Variants in WDR48 observed in about 807,000 individuals in gnomAD.
WDR48 encodes the protein WD repeat domain 48.
WDR48 carries 22 observed loss-of-function variants against 94.0 expected under a neutral mutation model. That is an observed-to-expected ratio of 0.23 (90% CI 0.17 to 0.33). The LOEUF (loss-of-function observed/expected upper bound fraction) is 0.33, where lower values mean the gene tolerates loss of function less well. WDR48 is among the 10% of genes least tolerant of loss of function. The pLI is 1.00. For synonymous variants in WDR48, 278 were observed against 280.5 expected (o/e 0.99, Z 0.09); for missense variants, 541 against 813.8 (o/e 0.66, Z 4.08).
At chr3:39,080,478 C>G (rs778259289) in intron 11 of WDR48, among the ~76,000 whole-genome samples, 1 of 152,206 alleles carries the variant, frequency 6.6e-6, no homozygotes, top group Admixed American at 6.5e-5. Context: ...AAAAGTTAGT[C>G]TGCTTTTATC....
chr3:39,088,021 C>G (rs1228837778), intron 14 of WDR48, 107 bp from the exon 15 acceptor site: 1 of 1,019,940 alleles, frequency 9.8e-7, no homozygotes, highest in Non-Finnish European at 1.5e-6. Context: ...ACTTAGAGGA[C>G]ATTTGAATTT....
At chr3:39,079,344 A>G (rs2034402763) in intron 10 of WDR48, among the ~76,000 whole-genome samples, 3 of 152,232 alleles carry the variant, frequency 2.0e-5, no homozygotes, top group African/African-American at 7.2e-5. Context: ...AAGATGGGAA[A>G]CCAAAGTTAA....
intron 2 of WDR48, among the ~76,000 whole-genome samples, chr3:39,063,909 C>A (rs143688948): frequency 5.3e-5 from 8 of 152,178 alleles, no homozygotes; most frequent in Non-Finnish European, 1.0e-4. Context: ...CGTGATCACA[C>A]CACTGCATTC....
At chr3:39,053,983 A>T (rs2032678934) in intron 1 of WDR48, among the ~76,000 whole-genome samples, 2 of 152,170 alleles carry the variant, frequency 1.3e-5, no homozygotes, top group Non-Finnish European at 2.9e-5. Flanking sequence ...ACTGACTTGA[A>T]ATTATTTCCT....
At chr3:39,083,823 T>C (rs2034657134) in intron 11 of WDR48, among the ~76,000 whole-genome samples, 1 of 152,188 alleles carries the variant, frequency 6.6e-6, no homozygotes, top group South Asian at 2.1e-4. Context: ...AACAATGGGA[T>C]GTGGGAAAAT....
At position 39,065,884 on chromosome 3, in the gene WDR48, A is replaced by G. The variant is rs2033573839; in HGVS notation, c.263A>G (p.Lys88Arg). 2 of 1,588,442 alleles carry G rather than the reference A, an allele frequency of 1.3e-6. No individual in the cohort carries two copies. Among genetic ancestry groups the G allele is most frequent in the Non-Finnish European group, 1.7e-6 (2 of 1,170,428 alleles). Reference sequence around the variant, plus strand: ...GACATTGTACTCTGTTGTAATGGGAAAACATGTAAGTATTTCTTTGGATTA... The same window carrying G: ...GACATTGTACTCTGTTGTAATGGGAGAACATGTAAGTATTTCTTTGGATTA... ...VNDIVLCCNG[K>R]TLISASSDTT... Residue 88 changes from lysine (K) to arginine (R), a missense_variant, in exon 3 of 19, where the codon AAA becomes AGA. Coordinates refer to ENST00000302313, the MANE Select transcript of WDR48 (RefSeq NM_020839.4).
Position 39,094,870 on chromosome 3 carries a change from T to C in WDR48, c.*127T>C. Reference sequence around the variant, plus strand: ...AACGGCTGATTGGTATGGACCGAGATTATCTTTCAATTGAAGTGACTAATC... The same window carrying C: ...AACGGCTGATTGGTATGGACCGAGACTATCTTTCAATTGAAGTGACTAATC... On this transcript the variant is annotated 3_prime_UTR_variant, in exon 19 of 19. Transcript: ENST00000302313. 8.2e-7 allele frequency: 1 copy of C among 1,214,136 alleles called. No homozygotes were observed. The highest frequency in any genetic ancestry group is 2.3e-5 in the Admixed American group (1 of 43,836). The allele number at this position is 1,214,136 out of a possible 1,614,324, so 75.2% of individuals were successfully genotyped here.
chr3:39,071,110 A>C (rs142405889), intron 7 of WDR48, among the ~76,000 whole-genome samples: 4,388 of 152,200 alleles, frequency 0.029, 216 homozygotes, highest in African/African-American at 0.1. Context: ...GGTTCCAAGT[A>C]TTTGCTATTG....
chr3:39,077,002 C>G, intron 8 of WDR48, 137 bp from the exon 9 acceptor site: 1 of 856,036 alleles, frequency 1.2e-6, no homozygotes, highest in Non-Finnish European at 1.8e-6. Context: ...TTCTGTGCAT[C>G]CTTAGTTTTT....
chr3:39,077,066 A>G (rs774900553), intron 8 of WDR48, 73 bp from the exon 9 acceptor site: 36 of 1,536,764 alleles, frequency 2.3e-5, no homozygotes, highest in Non-Finnish European at 3.1e-5. Context: ...GTTGATATTA[A>G]TAACATATCT....
intron 2 of WDR48, among the ~76,000 whole-genome samples, chr3:39,064,471 C>T: frequency 6.6e-6 from 1 of 152,092 alleles, no homozygotes; most frequent in East Asian, 1.9e-4. Context: ...GACGGGGTTT[C>T]ACCATGTGGG....
At chr3:39,086,564 C>T (rs1198595488) in intron 14 of WDR48, among the ~76,000 whole-genome samples, 4 of 152,196 alleles carry the variant, frequency 2.6e-5, no homozygotes, top group Non-Finnish European at 5.9e-5. Flanking sequence ...CATCACCTGA[C>T]ACACTTTGAT....
chr3:39,055,053 C>T (rs1415524168), intron 1 of WDR48, among the ~76,000 whole-genome samples: 1 of 152,196 alleles, frequency 6.6e-6, no homozygotes, highest in African/African-American at 2.4e-5. Flanking sequence ...GAAAACTTCT[C>T]ATCTTGGAAA....
In WDR48 at chr3:39,096,084, T is replaced by TCGGCTGGGGG. The variant is rs2035316752; in HGVS notation, c.*1343_*1352dup. ...TTTTCTTTTCTACATCTTCACAGGT[T>TCGGCTGGGGG]CGGCTGGGGGCAGCTGATAGGCCTA... On this transcript the variant is annotated 3_prime_UTR_variant, in exon 19 of 19. Coordinates refer to ENST00000302313, the MANE Select transcript of WDR48 (RefSeq NM_020839.4). 6.6e-6 allele frequency: 1 copy of TCGGCTGGGGG among 152,654 alleles called. No individual in the cohort carries two copies. The highest frequency in any genetic ancestry group is 1.5e-5 in the Non-Finnish European group (1 of 68,048). 9.5% of individuals were successfully genotyped at this position (152,654 alleles called of 1,614,324 possible). A position where few individuals can be genotyped will look rare whatever the true frequency, so the allele number is the denominator to read the frequency against.
chr3:39,079,935 A>G (rs2034432708), intron 11 of WDR48, 127 bp downstream of exon 11: 1 of 481,530 alleles, frequency 2.1e-6, no homozygotes, highest in Non-Finnish European at 3.6e-6. Context: ...GGGGTGGTAT[A>G]TACTTTCTTA....
chr3:39,056,322 A>G (rs2032885285), intron 1 of WDR48, among the ~76,000 whole-genome samples: 1 of 152,260 alleles, frequency 6.6e-6, no homozygotes, highest in Non-Finnish European at 1.5e-5. Flanking sequence ...AAGATGAGGG[A>G]TCAGTTTGAA....
intron 11 of WDR48, among the ~76,000 whole-genome samples, chr3:39,081,945 C>T (rs979299843): frequency 2.6e-5 from 4 of 152,180 alleles, no homozygotes; most frequent in Non-Finnish European, 5.9e-5. Flanking sequence ...GTGTAATAGA[C>T]GTGGCTAAAC....
chr3:39,059,138 A>G (rs2033099916), intron 1 of WDR48, among the ~76,000 whole-genome samples: 2 of 152,128 alleles, frequency 1.3e-5, no homozygotes, highest in South Asian at 4.1e-4. Context: ...AATGTAAGAT[A>G]GATAGGGTCA....
At position 39,063,055 on chromosome 3, in the gene WDR48, C is replaced by G. The variant is rs1559600223; in HGVS notation, c.54C>G (p.Ser18=). The stretch of plus-strand genomic sequence containing the variant: ...TATGTTGACACATTTGTCAGGTTTC[C>G]TATGTTATTCGAGATGAAGTGGAGA... ...NTAGRRKVQV[S]YVIRDEVEKY... The change falls in exon 2 of 19, where the codon TCC becomes TCG. Residue 18 remains serine (S), a synonymous_variant. Transcript: ENST00000302313. 1.2e-6 allele frequency: 2 copies of G among 1,613,904 alleles called. No individual in the cohort carries two copies. Among genetic ancestry groups the G allele is most frequent in the East Asian group, 4.5e-5 (2 of 44,868 alleles).
Sources: gnomAD v4.1 joint callset for allele counts (sites outside exome capture counted in the v4.1 genomes callset) on GRCh38, gnomAD v4.1.1 for gene constraint, MANE v1.5 for transcripts, NCBI Gene and HGNC (gene_info 2026-07-23, HGNC 2026-07-21) for gene names.